Variants in CAMKMT observed in about 807,000 individuals in gnomAD.
The protein encoded by CAMKMT is calmodulin-lysine N-methyltransferase, also known as CaM KMT.
CAMKMT carries 53 observed loss-of-function variants against 48.0 expected under a neutral mutation model. The ratio of observed to expected loss-of-function variants is 1.10; its 90% CI spans 0.89 to 1.39. The LOEUF (loss-of-function observed/expected upper bound fraction) is 1.39. Ranked by LOEUF, CAMKMT falls within the 40% of genes most tolerant of loss-of-function variation. The pLI is 0.00. For missense variants in CAMKMT, 428 were observed against 402.7 expected (o/e 1.06, Z -0.54); for synonymous variants, 165 against 152.3 (o/e 1.08, Z -0.61).
intron 3 of CAMKMT, among the ~76,000 whole-genome samples, chr2:44,576,804 A>T (rs1175300593): frequency 6.6e-6 from 1 of 152,222 alleles, no homozygotes; most frequent in Non-Finnish European, 1.5e-5. Context: ...GCACAGTTTT[A>T]AAAATGCAAC....
chr2:44,741,376 C>T (rs760049818), intron 7 of CAMKMT, among the ~76,000 whole-genome samples: 12 of 152,170 alleles, frequency 7.9e-5, no homozygotes, highest in Non-Finnish European at 1.5e-4. Context: ...CTGCACAGCT[C>T]CAGGAAGCAC....
chr2:44,768,096 C>T (rs73924556), intron 10 of CAMKMT, among the ~76,000 whole-genome samples: 3,345 of 152,220 alleles, frequency 0.022, 101 homozygotes, highest in African/African-American at 0.076. Flanking sequence ...GCCTGGTGGC[C>T]AGCACACCTC....
chr2:44,605,611 T>A (rs1671239614), intron 3 of CAMKMT, among the ~76,000 whole-genome samples: 2 of 152,060 alleles, frequency 1.3e-5, no homozygotes, highest in South Asian at 4.1e-4. Context: ...TTTTTAAGAA[T>A]CAAAAAGAAC....
chr2:44,658,508 C>T (rs567736114), intron 3 of CAMKMT, among the ~76,000 whole-genome samples: 3 of 152,258 alleles, frequency 2.0e-5, no homozygotes, highest in South Asian at 4.2e-4. Flanking sequence ...AAAAGCGTGA[C>T]GTCGCGTGAA....
intron 6 of CAMKMT, among the ~76,000 whole-genome samples, chr2:44,713,784 G>A (rs1433607008): frequency 6.6e-6 from 1 of 152,062 alleles, no homozygotes; most frequent in Non-Finnish European, 1.5e-5. Context: ...AGAAGAAATG[G>A]GTGTGCCTGG....
intron 3 of CAMKMT, among the ~76,000 whole-genome samples, chr2:44,470,259 T>G (rs1417253667): frequency 6.6e-6 from 1 of 152,194 alleles, no homozygotes; most frequent in Admixed American, 6.5e-5. Flanking sequence ...GTTTCCTGGG[T>G]TTTCTCCTCT....
intron 3 of CAMKMT, among the ~76,000 whole-genome samples, chr2:44,572,683 A>G (rs1312315278): frequency 1.3e-5 from 2 of 149,778 alleles, no homozygotes; most frequent in African/African-American, 4.9e-5. Context: ...TAATGCTGCT[A>G]TGTTGGCTCT....
intron 3 of CAMKMT, among the ~76,000 whole-genome samples, chr2:44,687,188 G>C (rs1243555835): frequency 6.6e-6 from 1 of 152,188 alleles, no homozygotes; most frequent in Non-Finnish European, 1.5e-5. Context: ...TAATAGAGGA[G>C]ACAGTATTTG....
At chr2:44,575,176 T>A (rs1669147727) in intron 3 of CAMKMT, among the ~76,000 whole-genome samples, 1 of 152,156 alleles carries the variant, frequency 6.6e-6, no homozygotes, top group South Asian at 2.1e-4. Flanking sequence ...TCTCCCGGTT[T>A]CAAGTGATTC....
Position 44,372,699 on chromosome 2 carries a change from T to A in CAMKMT, c.139-17T>A. ...TGTTTAGATAACATGACTGCAATAT[T>A]TGGCTTTATTTCAAAGGTTCTGAAG... On this transcript the variant is annotated splice_polypyrimidine_tract_variant and intron_variant, in intron 1 of 10. Coordinates refer to ENST00000378494, the MANE Select transcript of CAMKMT (RefSeq NM_024766.5). 1 of 1,604,662 alleles carries A rather than the reference T, an allele frequency of 6.2e-7. No homozygotes were observed. Among genetic ancestry groups the A allele is most frequent in the Non-Finnish European group, 8.5e-7 (1 of 1,176,686 alleles).
intron 7 of CAMKMT, among the ~76,000 whole-genome samples, chr2:44,731,970 G>T (rs1270482288): frequency 2.0e-5 from 3 of 152,140 alleles, no homozygotes; most frequent in Non-Finnish European, 2.9e-5. Context: ...TTTAAAATTA[G>T]AGACAGGATC....
intron 7 of CAMKMT, among the ~76,000 whole-genome samples, chr2:44,737,942 G>A (rs1300809213): frequency 6.7e-6 from 1 of 149,418 alleles, no homozygotes; most frequent in East Asian, 2.0e-4. Context: ...TACAACCTCT[G>A]CCTCCCAGGT....
intron 3 of CAMKMT, among the ~76,000 whole-genome samples, chr2:44,442,275 A>C (rs533292977): frequency 2.4e-4 from 36 of 152,330 alleles, no homozygotes; most frequent in African/African-American, 8.4e-4. Context: ...TCAGAAGCCC[A>C]AGAGCAATGG....
At chr2:44,692,629 T>C (rs1268851044) in intron 3 of CAMKMT, among the ~76,000 whole-genome samples, 1 of 152,150 alleles carries the variant, frequency 6.6e-6, no homozygotes, top group Admixed American at 6.5e-5. Context: ...AAATGAGGCT[T>C]AAAAAGTTTA....
chr2:44,567,392 A>T (rs566771902), intron 3 of CAMKMT, among the ~76,000 whole-genome samples: 1 of 152,184 alleles, frequency 6.6e-6, no homozygotes, highest in East Asian at 1.9e-4. Flanking sequence ...AGGAATACTC[A>T]TATTTCTGCC....
At chr2:44,690,924 C>T (rs542981787) in intron 3 of CAMKMT, among the ~76,000 whole-genome samples, 3 of 151,776 alleles carry the variant, frequency 2.0e-5, no homozygotes, top group Non-Finnish European at 2.9e-5. Flanking sequence ...TGCAGCGAGC[C>T]GAGATCGCCC....
chr2:44,698,895 A>G (rs995830426), intron 3 of CAMKMT, among the ~76,000 whole-genome samples: 2 of 152,206 alleles, frequency 1.3e-5, no homozygotes, highest in African/African-American at 2.4e-5. Flanking sequence ...AATATTCTAA[A>G]TCCTTTGTTG....
At position 44,554,087 on chromosome 2, in the gene CAMKMT, G is replaced by T. The variant is rs112493616; in HGVS notation, c.377-150196G>T. ...TAGAAATGTTTGCTTTATCCATTATGACCTTTTGCTAACTCATTCATTCAT... is the reference window on the plus strand; with the variant it reads ...TAGAAATGTTTGCTTTATCCATTATTACCTTTTGCTAACTCATTCATTCAT... On this transcript the variant is annotated intron_variant, in intron 3 of 10. Coordinates refer to ENST00000378494, the MANE Select transcript of CAMKMT (RefSeq NM_024766.5). Among the ~76,000 whole-genome samples, 805 of 152,286 alleles carry T rather than the reference G, an allele frequency of 5.3e-3. 4 individuals carry two copies. Among genetic ancestry groups the T allele is most frequent in the Non-Finnish European group, 8.4e-3 (570 of 67,998 alleles).
intron 3 of CAMKMT, among the ~76,000 whole-genome samples, chr2:44,675,404 T>C (rs1675626597): frequency 6.6e-6 from 1 of 152,220 alleles, no homozygotes; most frequent in Non-Finnish European, 1.5e-5. Context: ...AAGGGGCTTT[T>C]ATGACTTCCA....
Sources: allele counts gnomAD v4.1 joint callset (sites outside exome capture counted in the v4.1 genomes callset), GRCh38; gene constraint gnomAD v4.1.1; transcripts MANE v1.5; gene names NCBI Gene and HGNC (gene_info 2026-07-23, HGNC 2026-07-21).